LINGO2: variants seen among roughly 807,000 people sequenced by gnomAD.
LINGO2 encodes leucine-rich repeat and immunoglobulin-like domain-containing nogo receptor-interacting protein 2.
A neutral mutation model predicts 30.6 loss-of-function variants in LINGO2; 14 were observed. The ratio of observed to expected loss-of-function variants is 0.46; its 90% CI spans 0.30 to 0.72. LINGO2 has a LOEUF of 0.72. Among genes scored for constraint, LINGO2 ranks in the 30% least tolerant of loss-of-function variants. The pLI is 0.07. For synonymous variants in LINGO2, 317 were observed against 288.5 expected, an observed-to-expected ratio of 1.10 and a Z score of -1.00; for missense variants, 729 against 751.7, an observed-to-expected ratio of 0.97 and a Z score of 0.35.
the LINGO2 span, among the ~76,000 whole-genome samples, chr9:28,959,036 T>C: frequency 2.6e-5 from 4 of 152,174 alleles, no homozygotes; most frequent in African/African-American, 9.7e-5. Context: ...ATCTGTGGTG[T>C]AGCTTGGTGT....
At chr9:28,196,325 T>C (rs1820011577) in intron 4 of LINGO2, among the ~76,000 whole-genome samples, 1 of 151,720 alleles carries the variant, frequency 6.6e-6, no homozygotes, top group Non-Finnish European at 1.5e-5. Context: ...TATCAGAATT[T>C]CCAGACCTAT....
At chr9:28,400,244 C>T (rs1055798906) in intron 2 of LINGO2, among the ~76,000 whole-genome samples, 2 of 152,158 alleles carry the variant, frequency 1.3e-5, no homozygotes, top group African/African-American at 4.8e-5. Context: ...GATCCAAGTG[C>T]TAGCTCTGTC....
intron 1 of LINGO2, among the ~76,000 whole-genome samples, chr9:28,581,556 A>C (rs568031862): frequency 8.4e-4 from 127 of 151,706 alleles, no homozygotes; most frequent in Admixed American, 1.1e-3. Context: ...ACATACAGAT[A>C]AGTCTGAAAG....
At chr9:28,162,331 A>G (rs1828309899) in intron 4 of LINGO2, among the ~76,000 whole-genome samples, 1 of 152,140 alleles carries the variant, frequency 6.6e-6, no homozygotes, top group African/African-American at 2.4e-5. Context: ...GTTAGTTCCC[A>G]TATCTCACAT....
intron 1 of LINGO2, among the ~76,000 whole-genome samples, chr9:28,542,634 A>G (rs996893281): frequency 6.6e-6 from 1 of 152,092 alleles, no homozygotes; most frequent in African/African-American, 2.4e-5. Context: ...GGTAATTTAT[A>G]TAGCTGATCC....
the LINGO2 span, among the ~76,000 whole-genome samples, chr9:29,202,453 G>C: frequency 6.6e-6 from 1 of 151,860 alleles, no homozygotes; most frequent in Non-Finnish European, 1.5e-5. Context: ...TAAAAATTGA[G>C]TATAAATTAA....
chr9:29,105,458 T>C, the LINGO2 span, among the ~76,000 whole-genome samples: 1 of 152,126 alleles, frequency 6.6e-6, no homozygotes. Flanking sequence ...ATTGACAAAT[T>C]CCTTAAAAAT....
rs568892679 is a variant in LINGO2, at chr9:28,508,364, G to A, written c.-364-32339C>T. ...TAGTTGAGTAATCTTTTACTCAGAT[G>A]ACTTATAACAGTATGTTAAGATGTC... On this transcript the variant is annotated intron_variant, in intron 1 of 5. Transcript: ENST00000379992. Among the ~76,000 whole-genome samples, 21 of 152,100 alleles carry A rather than the reference G, an allele frequency of 1.4e-4. No homozygotes were observed. In the South Asian group the frequency reaches 4.1e-3, roughly 30 times the overall value.
At chr9:28,092,374 T>C (rs370492417) in intron 4 of LINGO2, among the ~76,000 whole-genome samples, 2 of 151,746 alleles carry the variant, frequency 1.3e-5, no homozygotes, top group African/African-American at 4.8e-5. Context: ...CCATAAAAAA[T>C]GATGAGTTCA....
intron 4 of LINGO2, among the ~76,000 whole-genome samples, chr9:28,018,026 C>T (rs1822927624): frequency 6.6e-6 from 1 of 152,038 alleles, no homozygotes; most frequent in Non-Finnish European, 1.5e-5. Context: ...ACCAATGAAA[C>T]AGAATAGAGC....
chr9:28,554,338 G>A (rs897779219), intron 1 of LINGO2, among the ~76,000 whole-genome samples: 39 of 148,116 alleles, frequency 2.6e-4, no homozygotes, highest in African/African-American at 8.0e-4. Flanking sequence ...AAAAAGGCAG[G>A]GGTTGCAATC....
intron 1 of LINGO2, among the ~76,000 whole-genome samples, chr9:28,521,522 A>T (rs1820829234): frequency 6.6e-6 from 1 of 152,180 alleles, no homozygotes; most frequent in Non-Finnish European, 1.5e-5. Flanking sequence ...CCAATTAGTC[A>T]TGTTCTTCCC....
chr9:28,249,982 C>T (rs901779738), intron 4 of LINGO2, among the ~76,000 whole-genome samples: 1 of 152,064 alleles, frequency 6.6e-6, no homozygotes, highest in Admixed American at 6.6e-5. Context: ...TTGGGTACCA[C>T]AATTATTATC....
At chr9:28,386,722 C>T (rs1359324088) in intron 2 of LINGO2, among the ~76,000 whole-genome samples, 1 of 151,994 alleles carries the variant, frequency 6.6e-6, no homozygotes, top group Non-Finnish European at 1.5e-5. Context: ...ATAAACTATT[C>T]TAGATAGGTT....
chr9:29,200,011 T>C, the LINGO2 span, among the ~76,000 whole-genome samples: 30 of 151,982 alleles, frequency 2.0e-4, no homozygotes, highest in East Asian at 5.4e-3. Context: ...TCACAGGAAA[T>C]TATCACATAT....
chr9:28,538,295 T>G (rs957816608), intron 1 of LINGO2, among the ~76,000 whole-genome samples: 4 of 151,936 alleles, frequency 2.6e-5, no homozygotes, highest in African/African-American at 7.2e-5. Context: ...TAAAAAGTAT[T>G]GATAATGATG....
At chr9:28,429,108 A>C (rs1190408772) in intron 2 of LINGO2, among the ~76,000 whole-genome samples, 1 of 152,202 alleles carries the variant, frequency 6.6e-6, no homozygotes, top group African/African-American at 2.4e-5. Flanking sequence ...CTAATAAATC[A>C]TCTTAACAGC....
intron 2 of LINGO2, among the ~76,000 whole-genome samples, chr9:28,435,422 G>T (rs1384791569): frequency 5.3e-5 from 8 of 152,130 alleles, no homozygotes; most frequent in Non-Finnish European, 1.0e-4. Context: ...AGCAAAAATT[G>T]TGATGCCTCA....
the LINGO2 span, among the ~76,000 whole-genome samples, chr9:29,024,676 G>A: frequency 2.6e-5 from 4 of 152,076 alleles, no homozygotes; most frequent in Non-Finnish European, 4.4e-5. Context: ...ATCAGAGAGC[G>A]ATGGAGAAGG....
Sources: allele counts gnomAD v4.1 joint callset (sites outside exome capture counted in the v4.1 genomes callset), GRCh38; gene constraint gnomAD v4.1.1; transcripts MANE v1.5; gene names NCBI Gene and HGNC (gene_info 2026-07-23, HGNC 2026-07-21).